Variants in SUSD1 observed in about 807,000 individuals in gnomAD.
SUSD1 encodes the protein sushi domain containing 1, also known as sushi domain-containing protein 1.
SUSD1 carries 65 observed loss-of-function variants against 86.9 expected under a neutral mutation model. The ratio of observed to expected loss-of-function variants is 0.75; its 90% CI spans 0.61 to 0.92. The LOEUF (loss-of-function observed/expected upper bound fraction) is 0.92. SUSD1 is among the 40% of genes least tolerant of loss of function. The pLI, the probability that SUSD1 is intolerant of heterozygous loss-of-function variation, is 0.00. For synonymous variants in SUSD1, 346 were observed against 350.0 expected (o/e 0.99, Z 0.13); for missense variants, 850 against 929.7 (o/e 0.91, Z 1.11).
chr9:112,167,346 T>A (rs1394516885), intron 1 of SUSD1, among the ~76,000 whole-genome samples: 6 of 152,128 alleles, frequency 3.9e-5, no homozygotes, highest in African/African-American at 1.2e-4. Flanking sequence ...CAATCGATAT[T>A]CCTGCTACAG....
chr9:112,142,293 G>T (rs1455378171), intron 5 of SUSD1, 27 bp downstream of exon 5: 29 of 1,524,180 alleles, frequency 1.9e-5, no homozygotes, highest in Non-Finnish European at 2.4e-5. Context: ...GGTATGAATT[G>T]GGAACCTGTA....
chr9:112,054,054 G>A (rs1332165624), intron 14 of SUSD1, among the ~76,000 whole-genome samples: 1 of 152,190 alleles, frequency 6.6e-6, no homozygotes, highest in African/African-American at 2.4e-5. Context: ...TGGGAGGCAT[G>A]GCAATGCTAT....
intron 10 of SUSD1, among the ~76,000 whole-genome samples, chr9:112,091,185 G>A (rs902375465): frequency 6.6e-6 from 1 of 152,012 alleles, no homozygotes; most frequent in Non-Finnish European, 1.5e-5. Flanking sequence ...CTAATGGTTT[G>A]TAAGAAAAGA....
intron 10 of SUSD1, among the ~76,000 whole-genome samples, chr9:112,090,470 C>T (rs574129868): frequency 5.3e-5 from 8 of 151,916 alleles, no homozygotes; most frequent in African/African-American, 1.7e-4. Flanking sequence ...GTGAATTGTC[C>T]CAGGGCATAA....
chr9:112,052,078 C>T (rs1322735318), intron 15 of SUSD1: 5 of 1,220,930 alleles, frequency 4.1e-6, no homozygotes, highest in Non-Finnish European at 5.3e-6. Context: ...ACATGTCCTA[C>T]AGTAGAAGAA....
intron 11 of SUSD1, among the ~76,000 whole-genome samples, chr9:112,079,501 T>C (rs2131556879): frequency 6.6e-6 from 1 of 152,280 alleles, no homozygotes; most frequent in African/African-American, 2.4e-5. Context: ...CAGCTTCTGG[T>C]GACCCTACCC....
intron 1 of SUSD1, among the ~76,000 whole-genome samples, chr9:112,163,263 C>T (rs1242677207): frequency 6.6e-6 from 1 of 152,038 alleles, no homozygotes; most frequent in South Asian, 2.1e-4. Flanking sequence ...TCAAGCTATC[C>T]TCCTTCCTCA....
chr9:112,076,854 G>T (rs13290725), intron 12 of SUSD1, among the ~76,000 whole-genome samples: 1 of 152,148 alleles, frequency 6.6e-6, no homozygotes, highest in Non-Finnish European at 1.5e-5. Context: ...GAGTGTCAAC[G>T]CTATCGAAGA....
At chr9:112,068,273 G>C (rs535252726) in intron 12 of SUSD1, among the ~76,000 whole-genome samples, 1 of 152,296 alleles carries the variant, frequency 6.6e-6, no homozygotes, top group South Asian at 2.1e-4. Context: ...ATGAGGTGGT[G>C]GCAGGGAGGG....
In SUSD1 at chr9:112,166,435, G is replaced by T. The variant is rs112451189; in HGVS notation, c.103+8698C>A. Among the ~76,000 whole-genome samples the T allele has an allele frequency of 6.8e-3, 1,033 of 152,282 alleles. 17 individuals carry two copies. The highest frequency in any genetic ancestry group is 0.023 in the African/African-American group (974 of 41,554). On this transcript the variant is annotated intron_variant, in intron 1 of 16. Transcript: ENST00000374270. Reference sequence around the variant, plus strand: ...AAGATTCTGATTCAGTAGGGGAGAGGCAGGGCCTGAGAATCTGCATTTCTA... The same window carrying T: ...AAGATTCTGATTCAGTAGGGGAGAGTCAGGGCCTGAGAATCTGCATTTCTA...
At chr9:112,054,802 C>T (rs1564249097) in intron 14 of SUSD1, among the ~76,000 whole-genome samples, 1 of 152,080 alleles carries the variant, frequency 6.6e-6, no homozygotes, top group Non-Finnish European at 1.5e-5. Context: ...TATGACAAGA[C>T]ACAGGCAACA....
chr9:112,078,423 TC>T, intron 12 of SUSD1, 114 bp downstream of exon 12: 1 of 1,003,296 alleles, frequency 1.0e-6, no homozygotes, highest in Non-Finnish European at 1.4e-6. Context: ...CTTCCTCCTC[TC>T]CCTGTTAAAG....
At chr9:112,104,767 C>G (rs1830767482) in intron 8 of SUSD1, 1 of 152,122 alleles carries the variant, frequency 6.6e-6, no homozygotes, top group Non-Finnish European at 1.5e-5. Flanking sequence ...GAAGGCCATC[C>G]ATTTTATTAT....
intron 12 of SUSD1, among the ~76,000 whole-genome samples, chr9:112,072,021 C>A (rs953419335): frequency 6.6e-6 from 1 of 152,126 alleles, no homozygotes; most frequent in African/African-American, 2.4e-5. Context: ...ACATGTACAT[C>A]CTCAGTAGGC....
chr9:112,111,996 G>T, intron 7 of SUSD1, 156 bp from the exon 8 acceptor site: 4 of 685,904 alleles, frequency 5.8e-6, no homozygotes, highest in Non-Finnish European at 9.6e-6. Flanking sequence ...GATAAAGTCT[G>T]ATCAGCCCAG....
intron 5 of SUSD1, among the ~76,000 whole-genome samples, chr9:112,127,862 GTGC>G (rs1831846202): frequency 1.3e-5 from 2 of 151,594 alleles, no homozygotes; most frequent in African/African-American, 4.8e-5. Flanking sequence ...GAGTGCAGTG[GTGC>G]CACCACAACT....
chr9:112,163,312 C>T lies in SUSD1; in HGVS notation c.104-5699G>A, dbSNP rs560699646. Among the ~76,000 whole-genome samples the T allele has an allele frequency of 2.8e-3, 430 of 152,134 alleles. 3 individuals carry two copies. The highest frequency in any genetic ancestry group is 9.7e-3 in the African/African-American group (404 of 41,508). On this transcript the variant is annotated intron_variant, in intron 1 of 16. Coordinates refer to ENST00000374270, the MANE Select transcript of SUSD1 (RefSeq NM_022486.5). ...TTAGGACAACAGGCACATCCCACCA[C>T]ACCTGGCTAATTTTTTGTTTTATTT...
intron 6 of SUSD1, among the ~76,000 whole-genome samples, chr9:112,115,824 G>GAAAAGA (rs1831298127): frequency 8.3e-6 from 1 of 120,956 alleles, no homozygotes; most frequent in South Asian, 2.6e-4. Flanking sequence ...AAAAAAAAAA[G>GAAAAGA]AAAAAAAAAA....
intron 3 of SUSD1, among the ~76,000 whole-genome samples, chr9:112,144,171 C>T (rs1483310994): frequency 1.3e-5 from 2 of 151,450 alleles, no homozygotes; most frequent in Non-Finnish European, 2.9e-5. Flanking sequence ...ACCTAGGAGG[C>T]GGAGCTTGCA....
Sources: gnomAD v4.1 joint callset for allele counts (sites outside exome capture counted in the v4.1 genomes callset) on GRCh38, gnomAD v4.1.1 for gene constraint, MANE v1.5 for transcripts, NCBI Gene and HGNC (gene_info 2026-07-23, HGNC 2026-07-21) for gene names.